ADAMTS3: variants seen among roughly 807,000 people sequenced by gnomAD.
ADAMTS3 encodes ADAM metallopeptidase with thrombospondin type 1 motif 3.
Under a neutral mutation model 129.0 loss-of-function variants are expected in ADAMTS3, and 73 were observed. That is an observed-to-expected ratio of 0.57 (90% CI 0.47 to 0.69). ADAMTS3 has a LOEUF of 0.69. Ranked by LOEUF, ADAMTS3 falls within the 30% of genes least tolerant of loss-of-function variation. The pLI, the probability that ADAMTS3 is intolerant of heterozygous loss-of-function variation, is 0.00. For missense variants in ADAMTS3, 1,457 were observed against 1,514.5 expected (o/e 0.96, Z 0.63); for synonymous variants, 477 against 510.8 (o/e 0.93, Z 0.89).
At chr4:72,290,678 C>T (rs143686699) in intron 20 of ADAMTS3, among the ~76,000 whole-genome samples, 177 bp downstream of exon 20, 21 of 152,262 alleles carry the variant, frequency 1.4e-4, no homozygotes, top group South Asian at 2.1e-4. Context: ...ACATGGTTTG[C>T]CCCTAACATG....
intron 21 of ADAMTS3, among the ~76,000 whole-genome samples, chr4:72,285,076 TAAGA>T (rs1017580620): frequency 2.6e-4 from 40 of 152,310 alleles, no homozygotes; most frequent in African/African-American, 8.2e-4. Flanking sequence ...ACTATACTGC[TAAGA>T]AAGAGGCCTG....
At chr4:72,445,001 C>T (rs1718214563) in intron 3 of ADAMTS3, among the ~76,000 whole-genome samples, 1 of 151,596 alleles carries the variant, frequency 6.6e-6, no homozygotes, top group Admixed American at 6.6e-5. Context: ...GGCAAATCCA[C>T]AGAGACAGAA....
intron 3 of ADAMTS3, among the ~76,000 whole-genome samples, chr4:72,444,897 G>A (rs1578685200): frequency 1.3e-5 from 2 of 151,782 alleles, no homozygotes; most frequent in East Asian, 2.0e-4. Context: ...TGCATGCTAC[G>A]ACATGGATGA....
intron 11 of ADAMTS3, among the ~76,000 whole-genome samples, chr4:72,314,668 A>C (rs1719342643): frequency 6.6e-6 from 1 of 152,222 alleles, no homozygotes; most frequent in Non-Finnish European, 1.5e-5. Flanking sequence ...AGCAAAAATG[A>C]ATTAACTCGT....
At position 72,311,083 on chromosome 4, in the gene ADAMTS3, C is replaced by T; in HGVS notation, c.2020G>A (p.Asp674Asn). Residue 674 changes from aspartate to asparagine, a missense_variant, in exon 14 of 22, where the codon GAT (aspartate) becomes AAT (asparagine). Coordinates refer to ENST00000286657, the MANE Select transcript of ADAMTS3 (RefSeq NM_014243.3). ...CCTCGCACACATATGCTATATGGAT[C>T]TTTGTAAGAACAGTGCGTTCCATCA... is the stretch of plus-strand genomic sequence containing the variant. ...VHDGTHCSYKDPYSICVRGEC... is the reference protein window; with the variant it reads ...VHDGTHCSYKNPYSICVRGEC... 1 of 1,611,366 alleles carries T rather than the reference C, an allele frequency of 6.2e-7. No homozygotes were observed. The highest frequency in any genetic ancestry group is 1.3e-5 in the African/African-American group (1 of 74,920).
intron 15 of ADAMTS3, among the ~76,000 whole-genome samples, chr4:72,308,515 G>A (rs989445809): frequency 1.3e-5 from 2 of 151,628 alleles, no homozygotes; most frequent in Admixed American, 6.6e-5. Flanking sequence ...AGATACCAAC[G>A]GCTCTTTGGA....
At chr4:72,349,679 C>T (rs1310197332) in intron 4 of ADAMTS3, among the ~76,000 whole-genome samples, 1 of 151,834 alleles carries the variant, frequency 6.6e-6, no homozygotes, top group Non-Finnish European at 1.5e-5. Flanking sequence ...TATGTATTCA[C>T]AGTACAGATC....
chr4:72,513,926 T>A (rs1720383268), intron 3 of ADAMTS3, among the ~76,000 whole-genome samples: 3 of 152,170 alleles, frequency 2.0e-5, no homozygotes, highest in Non-Finnish European at 4.4e-5. Context: ...TAAGCGAGAA[T>A]ATGCAGTATT....
chr4:72,527,286 A>G (rs898390746), intron 3 of ADAMTS3, among the ~76,000 whole-genome samples: 3 of 152,070 alleles, frequency 2.0e-5, no homozygotes, highest in African/African-American at 7.2e-5. Context: ...ACCTTCCTTG[A>G]CCCTTAGCCT....
chr4:72,406,394 T>A (rs1375808277), intron 4 of ADAMTS3, among the ~76,000 whole-genome samples: 2 of 152,204 alleles, frequency 1.3e-5, no homozygotes, highest in Admixed American at 1.3e-4. Context: ...AACTACTTTT[T>A]CCTGTTTTTT....
chr4:72,542,321 C>T (rs1183821104), intron 3 of ADAMTS3, among the ~76,000 whole-genome samples: 8 of 152,040 alleles, frequency 5.3e-5, no homozygotes, highest in African/African-American at 1.4e-4. Context: ...CCCACCACCA[C>T]GCCCGGCTAA....
intron 3 of ADAMTS3, among the ~76,000 whole-genome samples, chr4:72,497,725 T>C (rs573657128): frequency 2.5e-4 from 34 of 137,054 alleles, no homozygotes; most frequent in South Asian, 7.5e-4. Context: ...CAACTTTTCT[T>C]GTTATAGATT....
chr4:72,541,074 A>C (rs1242188353), intron 3 of ADAMTS3, among the ~76,000 whole-genome samples: 3 of 152,000 alleles, frequency 2.0e-5, no homozygotes, highest in Non-Finnish European at 4.4e-5. Flanking sequence ...AGCTGCAGAC[A>C]CTCAACATCA....
chr4:72,405,316 T>TA (rs1353662105), intron 4 of ADAMTS3, among the ~76,000 whole-genome samples: 1 of 152,060 alleles, frequency 6.6e-6, no homozygotes, highest in African/African-American at 2.4e-5. Context: ...GATGAATAGA[T>TA]AAAGAAAATG....
chr4:72,454,212 G>C (rs1718484233), intron 3 of ADAMTS3, among the ~76,000 whole-genome samples: 1 of 151,564 alleles, frequency 6.6e-6, no homozygotes, highest in African/African-American at 2.4e-5. Flanking sequence ...ATTGCATACA[G>C]TTACTGAAAT....
rs1292408222 is a variant in ADAMTS3, at chr4:72,290,859, C to A, written c.2927G>T (p.Ser976Ile). Residue 976 changes from serine to isoleucine, a missense_variant, in exon 20 of 22, where the codon AGT (serine) becomes ATT (isoleucine). Coordinates refer to ENST00000286657, the MANE Select transcript of ADAMTS3 (RefSeq NM_014243.3). ...GCACGGAATTCACACACCTACCTCA[C>A]TCCAGGGTCCTGTTTTCCACTGTGC... ...CPAQWKTGPW[S>I]ECSVTCGEGT... is the part of the protein sequence containing the mutation. 6 of 1,613,634 alleles carry A rather than the reference C, an allele frequency of 3.7e-6. No individual in the cohort carries two copies. The highest frequency in any genetic ancestry group is 5.1e-6 in the Non-Finnish European group (6 of 1,179,830).
At chr4:72,310,979 A>C in intron 14 of ADAMTS3, 69 bp downstream of exon 14, 6 of 1,385,888 alleles carry the variant, frequency 4.3e-6, no homozygotes, top group Non-Finnish European at 5.8e-6. Context: ...AAAAAATTAA[A>C]AATGTGCAGA....
At chr4:72,435,330 A>G (rs1364007750) in intron 3 of ADAMTS3, among the ~76,000 whole-genome samples, 2 of 151,840 alleles carry the variant, frequency 1.3e-5, no homozygotes, top group Non-Finnish European at 2.9e-5. Context: ...TAGGGCTACA[A>G]ATAAATCTTA....
intron 4 of ADAMTS3, among the ~76,000 whole-genome samples, chr4:72,356,206 T>C (rs903821681): frequency 2.0e-5 from 3 of 151,702 alleles, no homozygotes; most frequent in Non-Finnish European, 4.4e-5. Context: ...ATATGCAAAA[T>C]GTAGAAGAAT....
Sources: gnomAD v4.1 joint callset for allele counts (sites outside exome capture counted in the v4.1 genomes callset) on GRCh38, gnomAD v4.1.1 for gene constraint, MANE v1.5 for transcripts, NCBI Gene and HGNC (gene_info 2026-07-23, HGNC 2026-07-21) for gene names.